PBLD: variants seen among roughly 807,000 people sequenced by gnomAD.
PBLD encodes phenazine biosynthesis-like domain-containing protein.
In PBLD, 26 loss-of-function variants were observed where a neutral mutation model predicts 31.3. The observed-to-expected ratio is 0.83, with a 90% CI of 0.61 to 1.15. The LOEUF (loss-of-function observed/expected upper bound fraction) is 1.15. Ranked by LOEUF, PBLD falls within the 50% of genes most tolerant of loss-of-function variation. The pLI is 0.00. For missense variants in PBLD, 307 were observed against 351.7 expected, an observed-to-expected ratio of 0.87 and a Z score of 1.02; for synonymous variants, 114 against 129.0, an observed-to-expected ratio of 0.88 and a Z score of 0.79.
At chr10:68,330,967 G>A (rs1404783672) in intron 1 of PBLD, among the ~76,000 whole-genome samples, 3 of 151,980 alleles carry the variant, frequency 2.0e-5, no homozygotes, top group African/African-American at 7.3e-5. Flanking sequence ...CCATCCTTTT[G>A]CCCAGCCTCC....
At chr10:68,308,125 C>T (rs1036439274) in intron 1 of PBLD, among the ~76,000 whole-genome samples, 1 of 152,016 alleles carries the variant, frequency 6.6e-6, no homozygotes, top group Non-Finnish European at 1.5e-5. Flanking sequence ...TATAAAATAG[C>T]GTAATTCAAG....
intron 2 of PBLD, among the ~76,000 whole-genome samples, chr10:68,302,761 A>T (rs1277075022): frequency 6.6e-6 from 1 of 151,654 alleles, no homozygotes; most frequent in Non-Finnish European, 1.5e-5. Context: ...GGATAGCTTG[A>T]GCCCAGGAGT....
intron 9 of PBLD, chr10:68,285,000 T>C: frequency 8.9e-7 from 1 of 1,128,368 alleles, no homozygotes; most frequent in Non-Finnish European, 1.1e-6. Flanking sequence ...TTTGATTCAA[T>C]CCTGTGACTA....
At chr10:68,325,709 C>G (rs2044909236) in intron 1 of PBLD, among the ~76,000 whole-genome samples, 1 of 152,202 alleles carries the variant, frequency 6.6e-6, no homozygotes, top group South Asian at 2.1e-4. Flanking sequence ...TTAGAGTTTC[C>G]ACTTCTGCCG....
chr10:68,301,028 C>A (rs59338003), intron 2 of PBLD, among the ~76,000 whole-genome samples: 1 of 152,112 alleles, frequency 6.6e-6, no homozygotes, highest in African/African-American at 2.4e-5. Flanking sequence ...TCCTGAGTAG[C>A]TGGGATTACA....
At chr10:68,286,657 C>T (rs2044292301) in intron 8 of PBLD, among the ~76,000 whole-genome samples, 2 of 152,132 alleles carry the variant, frequency 1.3e-5, no homozygotes, top group Non-Finnish European at 2.9e-5. Context: ...AACTCTTCCA[C>T]CAAGCTAACA....
intron 1 of PBLD, among the ~76,000 whole-genome samples, chr10:68,330,599 G>A (rs761221876): frequency 3.3e-5 from 5 of 152,096 alleles, no homozygotes; most frequent in Non-Finnish European, 5.9e-5. Flanking sequence ...AGGCTGGAGT[G>A]CGGTGGCGCG....
At chr10:68,323,088 T>C (rs2044860541) in intron 1 of PBLD, among the ~76,000 whole-genome samples, 2 of 151,330 alleles carry the variant, frequency 1.3e-5, no homozygotes, top group African/African-American at 4.9e-5. Context: ...ATATAGGAAT[T>C]CTATGTAATA....
intron 2 of PBLD, among the ~76,000 whole-genome samples, chr10:68,303,141 T>C (rs1294044931): frequency 6.6e-6 from 1 of 151,994 alleles, no homozygotes; most frequent in African/African-American, 2.4e-5. Context: ...TGGTGCTCTC[T>C]GGGCTCACTA....
rs2044437975 is a variant in PBLD, at chr10:68,296,949, C to A, written c.121G>T (p.Glu41Ter). ...DEDMHQKIAR[E>*]MNLSETAFIR... is the part of the protein sequence containing the mutation. ...AAAGCAGTTTCAGAGAGGTTCATCT[C>A]CCTTGCAATTTTCTGATGCATGTCT... Residue 41 changes from glutamate to a stop codon, truncating the protein, a stop_gained, in exon 3 of 10, where the codon GAG (glutamate) becomes TAG (stop). Transcript: ENST00000358769. LOFTEE classifies it high-confidence loss of function. 1 of 1,613,864 alleles carries A rather than the reference C, an allele frequency of 6.2e-7. No individual in the cohort carries two copies. Among genetic ancestry groups the A allele is most frequent in the African/African-American group, 1.3e-5 (1 of 74,900 alleles).
chr10:68,306,710 T>C, intron 2 of PBLD, 51 bp downstream of exon 2: 1 of 1,503,362 alleles, frequency 6.7e-7, no homozygotes, highest in Non-Finnish European at 9.2e-7. Context: ...AGTAATTGTT[T>C]CTACAGGAAT....
intron 1 of PBLD, among the ~76,000 whole-genome samples, chr10:68,321,079 C>T (rs1447964762): frequency 6.6e-6 from 1 of 152,236 alleles, no homozygotes; most frequent in Non-Finnish European, 1.5e-5. Flanking sequence ...ACCTCGGCCT[C>T]CCAAAGTGCT....
intron 2 of PBLD, among the ~76,000 whole-genome samples, chr10:68,304,406 G>A (rs1167222929): frequency 6.6e-6 from 1 of 152,174 alleles, no homozygotes; most frequent in Non-Finnish European, 1.5e-5. Context: ...TCTTTAGAGA[G>A]CATCCCCAAA....
At chr10:68,319,108 A>G (rs547898931) in intron 1 of PBLD, among the ~76,000 whole-genome samples, 36 of 132,316 alleles carry the variant, frequency 2.7e-4, no homozygotes, top group Admixed American at 1.7e-3. Context: ...AGAAAGAAAG[A>G]AAGGAAAAAG....
chr10:68,284,273 G>A lies in PBLD; in HGVS notation c.771C>T (p.His257=). ...KKEMHAFQCS[H]RGGELGISLR... The stretch of plus-strand genomic sequence containing the variant: ...GGGAAATTCCCAGCTCTCCTCCTCG[G>A]TGGGAACACTGAAAAGCTAAAGAAA... Residue 257 remains histidine, a synonymous_variant, in exon 10 of 10, where the codon CAC becomes CAT. Transcript: ENST00000358769. 1 of 1,613,692 alleles carries A rather than the reference G, an allele frequency of 6.2e-7. No homozygotes were observed. The highest frequency in any genetic ancestry group is 8.5e-7 in the Non-Finnish European group (1 of 1,179,696).
intron 1 of PBLD, among the ~76,000 whole-genome samples, chr10:68,330,752 GTGTGTAT>G (rs1456294755): frequency 7.3e-6 from 1 of 136,390 alleles, no homozygotes; most frequent in East Asian, 2.2e-4. Context: ...GTGTGTGTGT[GTGTGTAT>G]TTTTAGTAGA....
chr10:68,321,129 CT>C (rs2134533736), intron 1 of PBLD, among the ~76,000 whole-genome samples: 1 of 152,236 alleles, frequency 6.6e-6, no homozygotes, highest in South Asian at 2.1e-4. Context: ...GCCCCGACCC[CT>C]TTTAATATTT....
chr10:68,331,205 T>C (rs184243462), intron 1 of PBLD: 1 of 152,296 alleles, frequency 6.6e-6, no homozygotes, highest in East Asian at 1.9e-4. Context: ...TTAGGAACCT[T>C]GGTGACATGA....
At chr10:68,301,026 A>C (rs1244950618) in intron 2 of PBLD, among the ~76,000 whole-genome samples, 1 of 152,082 alleles carries the variant, frequency 6.6e-6, no homozygotes, top group Non-Finnish European at 1.5e-5. Flanking sequence ...CGTCCTGAGT[A>C]GCTGGGATTA....
Sources: gnomAD v4.1 joint callset for allele counts (sites outside exome capture counted in the v4.1 genomes callset) on GRCh38, gnomAD v4.1.1 for gene constraint, MANE v1.5 for transcripts, NCBI Gene and HGNC (gene_info 2026-07-23, HGNC 2026-07-21) for gene names.